The following PRR5L variants were observed in gnomAD, a reference collection of about 807,000 sequenced individuals.
PRR5L encodes the protein proline rich 5 like, also known as proline-rich protein 5-like.
A neutral mutation model predicts 36.4 loss-of-function variants in PRR5L; 21 were observed. That is an observed-to-expected ratio of 0.58 (90% confidence interval 0.41 to 0.83). PRR5L has a LOEUF of 0.83. Ranked by LOEUF, PRR5L falls within the 40% of genes least tolerant of loss-of-function variation. PRR5L has a pLI of 0.00. For synonymous variants in PRR5L, 188 were observed against 197.0 expected (o/e 0.95, Z 0.38); for missense variants, 381 against 473.3 (o/e 0.80, Z 1.81).
chr11:36,413,687 T>C (rs1373074847), intron 3 of PRR5L, among the ~76,000 whole-genome samples: 1 of 151,576 alleles, frequency 6.6e-6, no homozygotes. Context: ...TACTTTATTT[T>C]ATTTATTTCT....
intron 1 of PRR5L, among the ~76,000 whole-genome samples, chr11:36,346,764 G>A (rs560690546): frequency 6.6e-6 from 1 of 152,176 alleles, no homozygotes; most frequent in East Asian, 1.9e-4. Context: ...CCTAAAGGGA[G>A]ACCACAATGT....
chr11:36,329,834 TGA>T (rs1209875273), intron 1 of PRR5L, among the ~76,000 whole-genome samples: 5 of 152,198 alleles, frequency 3.3e-5, no homozygotes, highest in Non-Finnish European at 5.9e-5. Context: ...TACAGTTTCC[TGA>T]GACTGCCACA....
intron 3 of PRR5L, among the ~76,000 whole-genome samples, chr11:36,414,725 C>T (rs1349038923): frequency 6.8e-6 from 1 of 147,964 alleles, no homozygotes; most frequent in African/African-American, 2.5e-5. Flanking sequence ...AATTAGATCC[C>T]ATTTGTCAAT....
chr11:36,454,542 G>A (rs77980017), intron 8 of PRR5L: 3,624 of 115,208 alleles, frequency 0.031, 71 homozygotes, highest in Non-Finnish European at 0.044. Flanking sequence ...ATAGGTAGGC[G>A]TGGTCGTAGG....
At chr11:36,459,150 C>A (rs1209755593) in intron 8 of PRR5L, among the ~76,000 whole-genome samples, 1 of 152,202 alleles carries the variant, frequency 6.6e-6, no homozygotes, top group Non-Finnish European at 1.5e-5. Flanking sequence ...GTGGCTGGAC[C>A]ATCCCACGCC....
At position 36,382,152 on chromosome 11, in the gene PRR5L, C is replaced by T. The variant is rs573400595; in HGVS notation, c.-125-18845C>T. Among the ~76,000 whole-genome samples, 573 of 152,230 alleles carry T rather than the reference C, an allele frequency of 3.8e-3. 1 individual carries two copies. Among genetic ancestry groups the T allele is most frequent in the South Asian group, 0.013 (65 of 4,828 alleles). On this transcript the variant is annotated intron_variant, in intron 1 of 8. Transcript: ENST00000530639. ...CAGCCTGGGTGACAGAGTGAGACTCCGTCTCAAACAAAAGAAAACCTCCCC... is the reference window on the plus strand; with the variant it reads ...CAGCCTGGGTGACAGAGTGAGACTCTGTCTCAAACAAAAGAAAACCTCCCC...
chr11:36,432,955 T>C (rs1858531877), intron 5 of PRR5L, among the ~76,000 whole-genome samples: 1 of 152,174 alleles, frequency 6.6e-6, no homozygotes, highest in African/African-American at 2.4e-5. Context: ...TTGGGAAGAA[T>C]AGAGGTTAGA....
intron 1 of PRR5L, among the ~76,000 whole-genome samples, chr11:36,298,086 C>T (rs908786484): frequency 3.3e-5 from 5 of 152,104 alleles, no homozygotes; most frequent in Non-Finnish European, 7.4e-5. Context: ...GTTGCTGGTC[C>T]CTTGAAGCTG....
intron 1 of PRR5L, chr11:36,376,171 C>A (rs974748589): frequency 1.1e-5 from 14 of 1,301,718 alleles, no homozygotes; most frequent in Admixed American, 2.3e-5. Flanking sequence ...AAGTGCAGGG[C>A]CCCCCTCTCC....
At chr11:36,393,368 G>C (rs1857598620) in intron 1 of PRR5L, among the ~76,000 whole-genome samples, 1 of 152,132 alleles carries the variant, frequency 6.6e-6, no homozygotes, top group Non-Finnish European at 1.5e-5. Flanking sequence ...ATATAAGATA[G>C]GGGTCTAGTT....
intron 1 of PRR5L, among the ~76,000 whole-genome samples, chr11:36,312,605 G>A (rs1250499465): frequency 6.6e-6 from 1 of 152,226 alleles, no homozygotes; most frequent in African/African-American, 2.4e-5. Flanking sequence ...ATAAACCAAT[G>A]TTCAAGTCCT....
At chr11:36,439,567 G>A (rs760520125) in intron 6 of PRR5L, among the ~76,000 whole-genome samples, 17 of 152,086 alleles carry the variant, frequency 1.1e-4, no homozygotes, top group African/African-American at 3.9e-4. Flanking sequence ...GAGGCCATTC[G>A]CATGTGCTAA....
intron 1 of PRR5L, among the ~76,000 whole-genome samples, chr11:36,308,697 A>G (rs774842381): frequency 6.6e-6 from 1 of 152,230 alleles, no homozygotes; most frequent in Non-Finnish European, 1.5e-5. Context: ...ACCTTGGGAC[A>G]CAGTACACTT....
chr11:36,390,681 T>A (rs1385545220), intron 1 of PRR5L, among the ~76,000 whole-genome samples: 2 of 152,132 alleles, frequency 1.3e-5, no homozygotes, highest in Non-Finnish European at 2.9e-5. Context: ...ATGAAATAAA[T>A]GAGGCATTTT....
At position 36,462,671 on chromosome 11, in the gene PRR5L, G is replaced by A. The variant is rs745852254; in HGVS notation, c.1042G>A (p.Gly348Arg). ...GCCCAACATCACTGACAACCCTGAC[G>A]GACTGGAGGAGGGGGCCAGGGGCAG... ...SEPNITDNPD[G>R]LEEGARGSQE... is the part of the protein sequence containing the mutation. The change falls in exon 9 of 9, where the codon GGA (glycine) becomes AGA (arginine). Residue 348 changes from glycine (G) to arginine (R), a missense_variant. Physicochemically the swap from Gly to Arg is moderately radical, Grantham distance 125 (BLOSUM62 -2). Coordinates refer to ENST00000530639, the MANE Select transcript of PRR5L (RefSeq NM_001160167.2). The A allele has an allele frequency of 1.1e-5, 17 of 1,608,464 alleles. No individual in the cohort carries two copies. Among genetic ancestry groups the A allele is most frequent in the Middle Eastern group, 2.0e-4 (1 of 4,960 alleles).
At chr11:36,349,651 C>T (rs1164504721) in intron 1 of PRR5L, among the ~76,000 whole-genome samples, 1 of 152,200 alleles carries the variant, frequency 6.6e-6, no homozygotes, top group Admixed American at 6.5e-5. Flanking sequence ...TGAGGCACAT[C>T]TTCCCCATTC....
intron 8 of PRR5L, 108 bp from the exon 9 acceptor site, chr11:36,462,233 CT>C (rs1859201077): frequency 9.3e-7 from 1 of 1,076,476 alleles, no homozygotes. Context: ...CACCTAAGAG[CT>C]GCTCCTAAAG....
Position 36,303,875 on chromosome 11 carries a change from C to T in PRR5L, c.-126+7437C>T, listed in dbSNP as rs368548773. 5.9e-5 allele frequency among the ~76,000 whole-genome samples: 9 copies of T among 152,342 alleles called. No individual in the cohort carries two copies. The East Asian group carries it at 1.3e-3, about 23-fold the overall frequency. ...GCATGAAAACAAGATTCACTGCTAG[C>T]AACCCAACATTGGATTTCTGTTAAC... is the stretch of plus-strand genomic sequence containing the variant. On this transcript the variant is annotated intron_variant, in intron 1 of 8. Coordinates refer to ENST00000530639, the MANE Select transcript of PRR5L (RefSeq NM_001160167.2).
intron 3 of PRR5L, among the ~76,000 whole-genome samples, chr11:36,405,727 T>C (rs1857895846): frequency 6.6e-6 from 1 of 152,188 alleles, no homozygotes; most frequent in South Asian, 2.1e-4. Context: ...ACAACAAAAA[T>C]TTATTTCTCA....
Sources: allele counts gnomAD v4.1 joint callset (sites outside exome capture counted in the v4.1 genomes callset), GRCh38; gene constraint gnomAD v4.1.1; transcripts MANE v1.5; gene names NCBI Gene and HGNC (gene_info 2026-07-23, HGNC 2026-07-21).